The following EPHA6 variants were observed in gnomAD, a reference collection of about 807,000 sequenced individuals.
EPHA6 encodes ephrin type-A receptor 6.
A neutral mutation model predicts 112.0 loss-of-function variants in EPHA6; 50 were observed. The observed-to-expected ratio is 0.45, with a 90% CI of 0.36 to 0.56. EPHA6 has a LOEUF of 0.56. Ranked by LOEUF, EPHA6 falls within the 20% of genes least tolerant of loss-of-function variation. The pLI, the probability that EPHA6 is intolerant of heterozygous loss-of-function variation, is 0.00. For synonymous variants in EPHA6, 529 were observed against 490.7 expected, an observed-to-expected ratio of 1.08 and a Z score of -1.03; for missense variants, 1,280 against 1,417.4, an observed-to-expected ratio of 0.90 and a Z score of 1.56.
chr3:96,970,545 C>G (rs964456794), intron 2 of EPHA6, among the ~76,000 whole-genome samples: 1 of 152,000 alleles, frequency 6.6e-6, no homozygotes, highest in Admixed American at 6.6e-5. Context: ...GAGTAGCTCT[C>G]CCATTAGTGG....
chr3:97,310,712 A>G (rs2081517866), intron 5 of EPHA6, among the ~76,000 whole-genome samples: 1 of 151,690 alleles, frequency 6.6e-6, no homozygotes, highest in Admixed American at 6.6e-5. Context: ...ATGAATTTTT[A>G]ATGGATCCTC....
At chr3:97,372,372 G>A (rs1049717760) in intron 5 of EPHA6, among the ~76,000 whole-genome samples, 1 of 152,072 alleles carries the variant, frequency 6.6e-6, no homozygotes. Context: ...CAGTCCCTTT[G>A]GTGAGCAAGT....
At chr3:96,860,759 A>G (rs190800803) in intron 1 of EPHA6, among the ~76,000 whole-genome samples, 8 of 152,206 alleles carry the variant, frequency 5.3e-5, no homozygotes, top group Non-Finnish European at 1.2e-4. Flanking sequence ...CTATAGCCAA[A>G]TAGTCTTTTC....
intron 7 of EPHA6, among the ~76,000 whole-genome samples, chr3:97,471,732 C>A (rs578017010): frequency 1.3e-5 from 2 of 151,708 alleles, no homozygotes; most frequent in African/African-American, 4.8e-5. Context: ...TACTCCTGAA[C>A]TTTTCTTACC....
intron 14 of EPHA6, among the ~76,000 whole-genome samples, chr3:97,642,602 G>A (rs941247835): frequency 6.6e-6 from 1 of 152,088 alleles, no homozygotes; most frequent in Non-Finnish European, 1.5e-5. Context: ...TAAAGGAGCT[G>A]ATGGGGCTGA....
chr3:97,656,791 T>A (rs1216495536), intron 14 of EPHA6, among the ~76,000 whole-genome samples: 1 of 151,990 alleles, frequency 6.6e-6, no homozygotes, highest in Non-Finnish European at 1.5e-5. Flanking sequence ...CAGCTCTGAA[T>A]GCATCTATGA....
At chr3:97,103,933 TTTGGCTCTCAGC>T (rs1268281065) in intron 3 of EPHA6, among the ~76,000 whole-genome samples, 1 of 152,128 alleles carries the variant, frequency 6.6e-6, no homozygotes, top group Non-Finnish European at 1.5e-5. Context: ...TAATTCCTGA[TTTGGCTCTCAGC>T]TTGGCTATTA....
intron 1 of EPHA6, among the ~76,000 whole-genome samples, chr3:96,816,131 ATTC>A (rs953995201): frequency 5.3e-5 from 8 of 152,194 alleles, no homozygotes; most frequent in South Asian, 2.1e-4. Context: ...ACAACACAGC[ATTC>A]TTCTTTGTCA....
rs545868074 is a variant in EPHA6, at chr3:97,480,805, G to A, written c.2074+1441G>A. Reference sequence around the variant, plus strand: ...GGGCTCCTCACTTCCCAGATGGGGCGGCTGCCGAGCGGAGGGACTCCTCAC... The same window carrying A: ...GGGCTCCTCACTTCCCAGATGGGGCAGCTGCCGAGCGGAGGGACTCCTCAC... On this transcript the variant is annotated intron_variant, in intron 9 of 17. Coordinates refer to ENST00000389672, the MANE Select transcript of EPHA6 (RefSeq NM_001080448.3). Among the ~76,000 whole-genome samples, 21 of 152,198 alleles carry A rather than the reference G, an allele frequency of 1.4e-4. No homozygotes were observed. In the East Asian group the frequency reaches 2.1e-3, roughly 15 times the overall value.
chr3:97,553,620 TG>T (rs1372093320), intron 11 of EPHA6, among the ~76,000 whole-genome samples: 3 of 152,006 alleles, frequency 2.0e-5, no homozygotes, highest in African/African-American at 7.2e-5. Context: ...GAGAACAGCA[TG>T]GGGGAAACCG....
At chr3:97,746,056 T>G (rs1017258016) in intron 16 of EPHA6, among the ~76,000 whole-genome samples, 4 of 152,000 alleles carry the variant, frequency 2.6e-5, no homozygotes, top group Non-Finnish European at 5.9e-5. Flanking sequence ...GTAAAAACAC[T>G]TTGATAAAAC....
At chr3:96,982,426 G>A (rs1454236967) in intron 2 of EPHA6, among the ~76,000 whole-genome samples, 1 of 152,256 alleles carries the variant, frequency 6.6e-6, no homozygotes, top group African/African-American at 2.4e-5. Context: ...GAGACAGTTT[G>A]TTATAATTTC....
chr3:97,083,810 ATAGT>A (rs955224925), intron 3 of EPHA6, among the ~76,000 whole-genome samples: 26 of 151,996 alleles, frequency 1.7e-4, no homozygotes, highest in Admixed American at 2.6e-4. Context: ...ATTATTTGTA[ATAGT>A]TAAGTAATGA....
intron 1 of EPHA6, among the ~76,000 whole-genome samples, chr3:96,853,296 T>C (rs959348742): frequency 2.0e-5 from 3 of 152,094 alleles, no homozygotes; most frequent in South Asian, 4.1e-4. Context: ...CCCAACCAAA[T>C]AGGAGGTCTG....
chr3:97,473,048 T>G (rs1030547868), intron 7 of EPHA6, among the ~76,000 whole-genome samples: 1 of 151,810 alleles, frequency 6.6e-6, no homozygotes, highest in African/African-American at 2.4e-5. Flanking sequence ...TAGTTTCCTA[T>G]TAAATAAATA....
intron 1 of EPHA6, among the ~76,000 whole-genome samples, chr3:96,825,595 AT>A (rs2033604270): frequency 6.6e-6 from 1 of 151,786 alleles, no homozygotes; most frequent in South Asian, 2.1e-4. Flanking sequence ...GTTCTTTAAT[AT>A]TTATCTTTAG....
rs765924331 is a variant in EPHA6, at chr3:97,755,256, T to C, written c.*6555T>C. On this transcript the variant is annotated 3_prime_UTR_variant, in exon 18 of 18. Coordinates refer to ENST00000389672, the MANE Select transcript of EPHA6 (RefSeq NM_001080448.3). ...ATGTTAAATAAAGATGTGGCTTCTATATTTAATTAAAAAATAAGGTATAAA... is the reference window on the plus strand; with the variant it reads ...ATGTTAAATAAAGATGTGGCTTCTACATTTAATTAAAAAATAAGGTATAAA... Among the ~76,000 whole-genome samples the C allele has an allele frequency of 1.3e-5, 2 of 152,350 alleles. No individual in the cohort carries two copies. Among genetic ancestry groups the C allele is most frequent in the East Asian group, 1.9e-4 (1 of 5,188 alleles).
chr3:97,667,450 A>G (rs1285201781), intron 14 of EPHA6, among the ~76,000 whole-genome samples: 1 of 152,192 alleles, frequency 6.6e-6, no homozygotes, highest in East Asian at 1.9e-4. Flanking sequence ...TTTTGAAATG[A>G]CTTCACAGAT....
intron 1 of EPHA6, among the ~76,000 whole-genome samples, chr3:96,858,566 G>A (rs1179169408): frequency 1.3e-5 from 2 of 152,124 alleles, no homozygotes; most frequent in Non-Finnish European, 2.9e-5. Context: ...TACCTGAAAG[G>A]CGCTGTTATC....
Sources: gnomAD v4.1 joint callset for allele counts (sites outside exome capture counted in the v4.1 genomes callset) on GRCh38, gnomAD v4.1.1 for gene constraint, MANE v1.5 for transcripts, NCBI Gene and HGNC (gene_info 2026-07-23, HGNC 2026-07-21) for gene names.